RPRD2: variants seen among roughly 807,000 people sequenced by gnomAD.
RPRD2 encodes the protein regulation of nuclear pre-mRNA domain containing 2.
In RPRD2, 12 loss-of-function variants were observed where a neutral mutation model predicts 104.4. That is an observed-to-expected ratio of 0.11 (90% CI 0.07 to 0.19). The LOEUF is 0.19. Ranked by LOEUF, RPRD2 falls within the 10% of genes least tolerant of loss-of-function variation. The pLI is 1.00. For missense variants in RPRD2, 1,543 were observed against 1,790.1 expected, an observed-to-expected ratio of 0.86 and a Z score of 2.49; for synonymous variants, 714 against 684.9, an observed-to-expected ratio of 1.04 and a Z score of -0.66.
chr1:150,425,460 A>G (rs587751154), intron 2 of RPRD2, among the ~76,000 whole-genome samples: 63 of 152,146 alleles, frequency 4.1e-4, no homozygotes, highest in African/African-American at 1.4e-3. Flanking sequence ...CCTGACCAAC[A>G]TGGAGAAACC....
intron 8 of RPRD2, among the ~76,000 whole-genome samples, chr1:150,459,402 A>G (rs1667767462): frequency 1.3e-5 from 2 of 152,224 alleles, no homozygotes; most frequent in African/African-American, 4.8e-5. Context: ...GTTCTTAGAA[A>G]GTTCTCAGGT....
chr1:150,447,011 T>C (rs1190741153), intron 7 of RPRD2, among the ~76,000 whole-genome samples: 1 of 151,920 alleles, frequency 6.6e-6, no homozygotes, highest in Admixed American at 6.6e-5. Context: ...TAATTTTGTA[T>C]TTTTAGTAGA....
intron 8 of RPRD2, among the ~76,000 whole-genome samples, chr1:150,458,721 C>T (rs1212922427): frequency 2.6e-5 from 4 of 152,072 alleles, no homozygotes; most frequent in Non-Finnish European, 4.4e-5. Flanking sequence ...CTCACTGCAT[C>T]CTCCATCTCC....
chr1:150,468,833 C>T (rs1426428276), intron 10 of RPRD2, among the ~76,000 whole-genome samples: 1 of 151,622 alleles, frequency 6.6e-6, no homozygotes, highest in East Asian at 1.9e-4. Context: ...GCTATGATCG[C>T]ACCACTGCAC....
intron 10 of RPRD2, 118 bp from the exon 11 acceptor site, chr1:150,470,443 T>TA: frequency 9.4e-7 from 1 of 1,060,052 alleles, no homozygotes; most frequent in Non-Finnish European, 1.3e-6. Flanking sequence ...CTTTTGGCCT[T>TA]ACACTTTGTC....
chr1:150,450,285 T>C (rs5011187), intron 7 of RPRD2, among the ~76,000 whole-genome samples: 91,130 of 151,816 alleles, frequency 0.6, 27,875 homozygotes, highest in African/African-American at 0.65. Context: ...GACATACTCT[T>C]CTACATAACC....
chr1:150,437,396 T>G (rs1447223302), intron 2 of RPRD2, among the ~76,000 whole-genome samples: 1 of 152,108 alleles, frequency 6.6e-6, no homozygotes, highest in African/African-American at 2.4e-5. Context: ...CCATGATCAG[T>G]CATCATCAAG....
At chr1:150,414,672 AT>A (rs1412258224) in intron 1 of RPRD2, among the ~76,000 whole-genome samples, 1 of 151,672 alleles carries the variant, frequency 6.6e-6, no homozygotes, top group African/African-American at 2.4e-5. Context: ...TTAAAAAAAA[AT>A]CTCCATTGAG....
intron 2 of RPRD2, among the ~76,000 whole-genome samples, chr1:150,419,994 T>C (rs1315404315): frequency 6.6e-6 from 1 of 152,158 alleles, no homozygotes; most frequent in African/African-American, 2.4e-5. Context: ...GCCTAAACTC[T>C]CAGAGCTGCC....
rs61016870 is a variant in RPRD2, at chr1:150,369,623, A to ATTTTTTTTTTTTT, written c.205+4711_205+4723dup. ...AGGCGCCCGTCACCGCGCCCAGCTA[A>ATTTTTTTTTTTTT]TTTTTTTTTTTTTTTTTTTGTATTT... On this transcript the variant is annotated intron_variant, in intron 1 of 10. Transcript: ENST00000369068. Among the ~76,000 whole-genome samples the ATTTTTTTTTTTTT allele has an allele frequency of 9.3e-3, 640 of 68,736 alleles. 36 individuals are homozygous for ATTTTTTTTTTTTT. Among genetic ancestry groups the ATTTTTTTTTTTTT allele is most frequent in the Non-Finnish European group, 0.015 (497 of 33,414 alleles). 45.1% of individuals were successfully genotyped at this position (68,736 alleles called of 152,430 possible).
chr1:150,381,163 C>G (rs1470194982), intron 1 of RPRD2, among the ~76,000 whole-genome samples: 3 of 151,796 alleles, frequency 2.0e-5, no homozygotes, highest in Admixed American at 1.3e-4. Context: ...TGGCTTATGC[C>G]TGTAATCCCA....
At chr1:150,405,569 C>T (rs1553886321) in intron 1 of RPRD2, among the ~76,000 whole-genome samples, 1 of 152,040 alleles carries the variant, frequency 6.6e-6, no homozygotes, top group African/African-American at 2.4e-5. Context: ...GTCAAACTTC[C>T]TGGTTTCTCT....
At chr1:150,408,196 A>T (rs1181948557) in intron 1 of RPRD2, among the ~76,000 whole-genome samples, 1 of 115,686 alleles carries the variant, frequency 8.6e-6, no homozygotes, top group African/African-American at 3.6e-5. Flanking sequence ...ACAGAGTCTC[A>T]CTCTGTCGTC....
Position 150,470,639 on chromosome 1 carries a change from C to G in RPRD2, c.1691C>G (p.Ser564Cys). The G allele has an allele frequency of 1.2e-6, 2 of 1,614,014 alleles. No individual in the cohort carries two copies. Among genetic ancestry groups the G allele is most frequent in the Non-Finnish European group, 1.7e-6 (2 of 1,179,878 alleles). ...SEAASQSTSA[S>C]PANTTVSTIK... ...GCTGCCTCACAGAGCACTTCAGCCT[C>G]CCCTGCCAACACCACAGTCTCTACC... The change falls in exon 11 of 11, where the codon TCC (serine) becomes TGC (cysteine). Residue 564 changes from serine (S) to cysteine (C), a missense_variant. Ser to Cys is a moderately radical substitution (Grantham distance 112). This residue lies in a region of RPRD2 where 572 missense variants were observed against 787.3 expected (regional missense o/e 0.73). Transcript: ENST00000369068.
chr1:150,386,631 G>C (rs980575536), intron 1 of RPRD2, among the ~76,000 whole-genome samples: 3 of 152,004 alleles, frequency 2.0e-5, no homozygotes, highest in Admixed American at 6.6e-5. Context: ...CATCACTAGT[G>C]GCACTTTGTG....
At chr1:150,370,334 T>G (rs1553878115) in intron 1 of RPRD2, among the ~76,000 whole-genome samples, 1 of 152,162 alleles carries the variant, frequency 6.6e-6, no homozygotes, top group Non-Finnish European at 1.5e-5. Flanking sequence ...ACTTAAACTG[T>G]GAACCTCAGT....
chr1:150,365,164 TC>T (rs1374193980), intron 1 of RPRD2, among the ~76,000 whole-genome samples: 1 of 152,228 alleles, frequency 6.6e-6, no homozygotes, highest in East Asian at 1.9e-4. Flanking sequence ...TGGGCCCAGA[TC>T]CATGGAGATT....
rs946362346 is a variant in RPRD2 at position 150,428,103 on chromosome 1, A to T, written c.335+10378A>T. ...ACATTACGGAAGATATTTGTCGTAG[A>T]CTAAGTTATATGAATGGGAATTATG... On this transcript the variant is annotated intron_variant, in intron 2 of 10. Transcript: ENST00000369068. 3.9e-5 allele frequency among the ~76,000 whole-genome samples: 6 copies of T among 152,260 alleles called. No individual in the cohort carries two copies. The South Asian group carries it at 1.2e-3, about 32-fold the overall frequency.
At chr1:150,455,488 C>T (rs377230689) in intron 7 of RPRD2, among the ~76,000 whole-genome samples, 15 of 150,704 alleles carry the variant, frequency 1.0e-4, no homozygotes, top group African/African-American at 3.4e-4. Context: ...GGCGACACAG[C>T]GAGACTCCAT....
Sources: gnomAD v4.1 joint callset for allele counts (sites outside exome capture counted in the v4.1 genomes callset) on GRCh38, gnomAD v4.1.1 for gene constraint, gnomAD v4.1.1 regional missense constraint, MANE v1.5 for transcripts, NCBI Gene and HGNC (gene_info 2026-07-23, HGNC 2026-07-21) for gene names.